MEI4: variants seen among roughly 807,000 people sequenced by gnomAD.
MEI4 encodes the protein meiosis-specific protein MEI4.
A neutral mutation model predicts 31.4 loss-of-function variants in MEI4; 27 were observed. The ratio of observed to expected loss-of-function variants is 0.86; its 90% CI spans 0.63 to 1.19. The LOEUF (loss-of-function observed/expected upper bound fraction) is 1.19, where lower values mean the gene tolerates loss of function less well. MEI4 is among the 50% of genes most tolerant of loss of function. MEI4 has a pLI of 0.00. For synonymous variants in MEI4, 122 were observed against 145.4 expected (o/e 0.84, Z 1.16); for missense variants, 329 against 398.9 (o/e 0.82, Z 1.49).
At chr6:77,675,190 T>C (rs1459810602) in intron 1 of MEI4, among the ~76,000 whole-genome samples, 1 of 152,132 alleles carries the variant, frequency 6.6e-6, no homozygotes, top group Non-Finnish European at 1.5e-5. Flanking sequence ...TTCTGTGCAT[T>C]GCTTGTTATA....
intron 1 of MEI4, among the ~76,000 whole-genome samples, chr6:77,667,277 T>C (rs1016566213): frequency 1.3e-5 from 2 of 152,154 alleles, no homozygotes; most frequent in Non-Finnish European, 2.9e-5. Flanking sequence ...TTTGTTACAT[T>C]TCCCTTTGAG....
intron 4 of MEI4, among the ~76,000 whole-genome samples, chr6:77,856,107 C>T (rs1218466327): frequency 6.6e-6 from 1 of 152,126 alleles, no homozygotes; most frequent in Non-Finnish European, 1.5e-5. Context: ...TACTTACATC[C>T]TTTCTCTGGC....
At chr6:77,684,248 T>A (rs748339329) in intron 1 of MEI4, among the ~76,000 whole-genome samples, 19 of 152,198 alleles carry the variant, frequency 1.2e-4, no homozygotes, top group Non-Finnish European at 2.4e-4. Context: ...TTACGTTTTT[T>A]AAAAATTTTG....
intron 3 of MEI4, among the ~76,000 whole-genome samples, chr6:77,818,750 A>G (rs905546391): frequency 5.3e-5 from 8 of 152,272 alleles, no homozygotes; most frequent in African/African-American, 1.7e-4. Context: ...TAATAGTGAC[A>G]GGGTCTTGCT....
intron 2 of MEI4, among the ~76,000 whole-genome samples, chr6:77,736,954 T>A (rs1767258517): frequency 6.6e-6 from 1 of 151,034 alleles, no homozygotes; most frequent in African/African-American, 2.5e-5. Flanking sequence ...GTGGGAACAA[T>A]GTAAAGTATA....
At chr6:77,794,658 G>A (rs1769031680) in intron 3 of MEI4, among the ~76,000 whole-genome samples, 1 of 151,874 alleles carries the variant, frequency 6.6e-6, no homozygotes, top group African/African-American at 2.4e-5. Flanking sequence ...CTCAATAATA[G>A]TAAGGGGCAT....
intron 2 of MEI4, among the ~76,000 whole-genome samples, chr6:77,705,603 A>G (rs1564652): frequency 0.2 from 29,985 of 152,104 alleles, 3,219 homozygotes; most frequent in African/African-American, 0.27. Context: ...GCAGAGAAGT[A>G]TAGTGATTGG....
At chr6:77,908,054 T>C (rs531551420) in intron 4 of MEI4, among the ~76,000 whole-genome samples, 1 of 152,010 alleles carries the variant, frequency 6.6e-6, no homozygotes, top group East Asian at 1.9e-4. Flanking sequence ...ATTAGCCCTT[T>C]GTCAGATGAG....
chr6:77,667,330 C>T (rs1382380730), intron 1 of MEI4, among the ~76,000 whole-genome samples: 1 of 152,132 alleles, frequency 6.6e-6, no homozygotes, highest in Non-Finnish European at 1.5e-5. Flanking sequence ...TGGCTTTTCT[C>T]ATCTCTGTTG....
chr6:77,686,875 C>CTTTTTTTTTTTTTTTTTTTTTTTTTTTT (rs70974681), intron 1 of MEI4, among the ~76,000 whole-genome samples: 1 of 132,480 alleles, frequency 7.5e-6, no homozygotes, highest in Non-Finnish European at 1.6e-5. Context: ...GTCTGTGGCT[C>CTTTTTTTTTTTTTTTTTTTTTTTTTTTT]TTTTTTTTTG....
chr6:77,709,475 A>G (rs999269262), intron 2 of MEI4, among the ~76,000 whole-genome samples: 3 of 152,314 alleles, frequency 2.0e-5, no homozygotes, highest in African/African-American at 2.4e-5. Context: ...AAGTTTTTCT[A>G]TGTAAATTAT....
Position 77,841,633 on chromosome 6 carries a change from C to T in MEI4, c.900+12571C>T, listed in dbSNP as rs148650721. 1.4e-3 allele frequency among the ~76,000 whole-genome samples: 211 copies of T among 151,958 alleles called. 1 individual carries two copies. The highest frequency in any genetic ancestry group is 4.5e-3 in the African/African-American group (185 of 41,448). ...CAGGGATTACAGGTGTGAGCCACCA[C>T]ACCCAACCCTATAAATGTATATTTT... On this transcript the variant is annotated intron_variant, in intron 4 of 4. Coordinates refer to ENST00000684080, the MANE Select transcript of MEI4 (RefSeq NM_001322247.2).
intron 4 of MEI4, among the ~76,000 whole-genome samples, chr6:77,919,824 C>G (rs1025732070): frequency 6.7e-6 from 1 of 149,226 alleles, no homozygotes; most frequent in African/African-American, 2.4e-5. Context: ...GATATCACCA[C>G]CGATCCCACA....
At chr6:77,720,484 G>A (rs1208419211) in intron 2 of MEI4, among the ~76,000 whole-genome samples, 1 of 120,170 alleles carries the variant, frequency 8.3e-6, no homozygotes, top group African/African-American at 3.3e-5. Context: ...TCTCCTGTTT[G>A]GCAAGTTGCC....
At chr6:77,697,844 C>G (rs1468032401) in intron 2 of MEI4, among the ~76,000 whole-genome samples, 1 of 152,136 alleles carries the variant, frequency 6.6e-6, no homozygotes, top group Admixed American at 6.5e-5. Context: ...GTCTCATGAT[C>G]TGTCTAATGT....
intron 3 of MEI4, among the ~76,000 whole-genome samples, chr6:77,784,381 G>A (rs887958110): frequency 1.3e-5 from 2 of 152,098 alleles, no homozygotes; most frequent in African/African-American, 4.8e-5. Context: ...ACACTGTATC[G>A]AGCAGGCATC....
Position 77,761,643 on chromosome 6 carries a change from T to C in MEI4, c.746T>C (p.Leu249Ser). Reference sequence around the variant, plus strand: ...GAGAAAACCCTACTACATGCTATTTTAGGAAACAATCATATAAATCAGGTG... The same window carrying C: ...GAGAAAACCCTACTACATGCTATTTCAGGAAACAATCATATAAATCAGGTG... ...EFEKTLLHAILGNNHINQFQV... is the reference protein window; with the variant it reads ...EFEKTLLHAISGNNHINQFQV... Residue 249 changes from leucine to serine, a missense_variant, in exon 3 of 5, where the codon TTA (leucine) becomes TCA (serine). By Grantham distance (145) the Leu-to-Ser change is moderately radical. Transcript: ENST00000684080. The C allele has an allele frequency of 8.1e-7, 1 of 1,231,690 alleles. No homozygotes were observed. The allele number at this position is 1,231,690 out of a possible 1,614,324, so 76.3% of individuals were successfully genotyped here. A position where few individuals can be genotyped will look rare whatever the true frequency, so the allele number is the denominator to read the frequency against.
intron 4 of MEI4, among the ~76,000 whole-genome samples, chr6:77,919,489 A>C (rs1766649538): frequency 6.6e-6 from 1 of 152,136 alleles, no homozygotes. Flanking sequence ...TTTGGGATGC[A>C]TTCAAAGCAG....
chr6:77,800,020 A>G (rs1769203055), intron 3 of MEI4, among the ~76,000 whole-genome samples: 1 of 152,088 alleles, frequency 6.6e-6, no homozygotes. Flanking sequence ...AGTTTTTTCC[A>G]ATTCTGTGAA....
Sources: allele counts gnomAD v4.1 joint callset (sites outside exome capture counted in the v4.1 genomes callset), GRCh38; gene constraint gnomAD v4.1.1; transcripts MANE v1.5; gene names NCBI Gene and HGNC (gene_info 2026-07-23, HGNC 2026-07-21).